The following ANGPT1 variants were observed in gnomAD, a reference collection of about 807,000 sequenced individuals.
The protein encoded by ANGPT1 is angiopoietin-1.
Under a neutral mutation model 62.2 loss-of-function variants are expected in ANGPT1, and 17 were observed. The observed-to-expected ratio is 0.27, with a 90% CI of 0.19 to 0.41. The LOEUF (loss-of-function observed/expected upper bound fraction) is 0.41. Among genes scored for constraint, ANGPT1 ranks in the 10% least tolerant of loss-of-function variants. The pLI, the probability that ANGPT1 is intolerant of heterozygous loss-of-function variation, is 1.00. For synonymous variants in ANGPT1, 199 were observed against 198.9 expected (o/e 1.00, Z 0.00); for missense variants, 478 against 594.9 (o/e 0.80, Z 2.04).
chr8:107,493,472 A>G (rs769481508), intron 1 of ANGPT1, among the ~76,000 whole-genome samples: 1 of 150,544 alleles, frequency 6.6e-6, no homozygotes, highest in African/African-American at 2.5e-5. Flanking sequence ...CTGGTTAAAT[A>G]TAATTTGAAT....
rs191775642 is a variant in ANGPT1, at chr8:107,482,184, C to T, written c.297+15078G>A. Among the ~76,000 whole-genome samples, 23 of 152,040 alleles carry T rather than the reference C, an allele frequency of 1.5e-4. No homozygotes were observed. In the East Asian group the frequency reaches 3.7e-3, roughly 24 times the overall value. On this transcript the variant is annotated intron_variant, in intron 1 of 8. Transcript: ENST00000517746. ...TTCTTCCATGAATTTTTTGAAGTTC[C>T]GTCATATTACCCTCCAAATTTAGTA...
intron 1 of ANGPT1, among the ~76,000 whole-genome samples, chr8:107,385,131 T>C (rs1177305391): frequency 1.3e-5 from 2 of 149,316 alleles, no homozygotes; most frequent in Non-Finnish European, 3.0e-5. Context: ...TTTTGGAATG[T>C]CGTTTGTTTG....
At chr8:107,436,965 T>C (rs1811351059) in intron 1 of ANGPT1, among the ~76,000 whole-genome samples, 2 of 152,210 alleles carry the variant, frequency 1.3e-5, no homozygotes, top group South Asian at 2.1e-4. Flanking sequence ...ATAACATTTA[T>C]TGAACACAAA....
At chr8:107,281,579 C>A (rs1586184203) in intron 7 of ANGPT1, among the ~76,000 whole-genome samples, 1 of 152,062 alleles carries the variant, frequency 6.6e-6, no homozygotes, top group African/African-American at 2.4e-5. Flanking sequence ...GAGATCGAGT[C>A]CATCCTGGCT....
intron 1 of ANGPT1, among the ~76,000 whole-genome samples, chr8:107,431,474 T>C (rs892552834): frequency 1.3e-5 from 2 of 152,198 alleles, no homozygotes; most frequent in African/African-American, 4.8e-5. Context: ...TCTGGCTCTC[T>C]TAGACTGCCT....
chr8:107,280,288 C>T (rs150231275), intron 7 of ANGPT1, among the ~76,000 whole-genome samples: 177 of 152,092 alleles, frequency 1.2e-3, no homozygotes, highest in African/African-American at 4.0e-3. Context: ...ACAACCTCCA[C>T]CTCCGGGGTT....
At chr8:107,313,379 G>A (rs747450472) in intron 4 of ANGPT1, among the ~76,000 whole-genome samples, 3 of 141,436 alleles carry the variant, frequency 2.1e-5, no homozygotes, top group Non-Finnish European at 4.6e-5. Flanking sequence ...ATATCCTTTG[G>A]TTGATAATAA....
chr8:107,496,881 T>G (rs1813114412), intron 1 of ANGPT1, among the ~76,000 whole-genome samples: 1 of 152,262 alleles, frequency 6.6e-6, no homozygotes, highest in African/African-American at 2.4e-5. Flanking sequence ...AAAATCGATT[T>G]GATCTTATTA....
At chr8:107,415,743 G>T (rs545172524) in intron 1 of ANGPT1, among the ~76,000 whole-genome samples, 1 of 152,086 alleles carries the variant, frequency 6.6e-6, no homozygotes, top group Non-Finnish European at 1.5e-5. Context: ...TTGTCTGCTC[G>T]CATGTTATGT....
rs150841723 is a variant in ANGPT1, at chr8:107,497,317, T to C, written c.242A>G (p.Gln81Arg). 4.1e-5 allele frequency: 66 copies of C among 1,614,130 alleles called. No individual in the cohort carries two copies. The highest frequency in any genetic ancestry group is 5.1e-5 in the Non-Finnish European group (60 of 1,180,038). The part of the protein sequence containing the change: ...APHVEPDFSS[Q>R]KLQHLEHVME... ...CACATGTTCCAGATGTTGAAGTTTC[T>C]GGGAAGAGAAATCCGGTTCCACGTG... Residue 81 changes from glutamine to arginine, a missense_variant, in exon 1 of 9, where the codon CAG becomes CGG. Around this residue, in one of 4 missense-constraint regions of ANGPT1, gnomAD observed 343 missense variants for 355.4 expected, o/e 0.97. Transcript: ENST00000517746.
chr8:107,482,809 C>A (rs950071243), intron 1 of ANGPT1, among the ~76,000 whole-genome samples: 9 of 152,200 alleles, frequency 5.9e-5, no homozygotes, highest in Middle Eastern at 3.4e-3. Flanking sequence ...ATTTTTTAAA[C>A]TCGATCTTCC....
intron 5 of ANGPT1, among the ~76,000 whole-genome samples, chr8:107,302,991 G>C (rs992919102): frequency 2.0e-5 from 3 of 151,786 alleles, no homozygotes; most frequent in Non-Finnish European, 4.4e-5. Flanking sequence ...ATGAGCAAGG[G>C]GACATCCTAG....
At chr8:107,393,560 A>G (rs1293173764) in intron 1 of ANGPT1, among the ~76,000 whole-genome samples, 2 of 152,180 alleles carry the variant, frequency 1.3e-5, no homozygotes, top group East Asian at 3.9e-4. Flanking sequence ...CTGTAATCCT[A>G]GCACTTTGGG....
At chr8:107,445,036 C>G (rs191602993) in intron 1 of ANGPT1, among the ~76,000 whole-genome samples, 2 of 152,176 alleles carry the variant, frequency 1.3e-5, no homozygotes, top group African/African-American at 4.8e-5. Flanking sequence ...GCACTTCACC[C>G]TGAAGGGGGC....
intron 1 of ANGPT1, among the ~76,000 whole-genome samples, chr8:107,417,823 T>C (rs1563613681): frequency 6.6e-6 from 1 of 152,212 alleles, no homozygotes; most frequent in Admixed American, 6.5e-5. Context: ...CTGAGATACT[T>C]AAACGTAAGG....
rs191173849 is a variant in ANGPT1 at position 107,315,818 on chromosome 8, C to T, written c.808+6078G>A. ...GGGGTAAGTGGAAAGGAAAAATAGC[C>T]GTTTGCATCTGGTTTCCTGATGGAT... On this transcript the variant is annotated intron_variant, in intron 4 of 8. Transcript: ENST00000517746. Among the ~76,000 whole-genome samples, 181 of 152,154 alleles carry T rather than the reference C, an allele frequency of 1.2e-3. 1 individual carries two copies. In the Middle Eastern group the frequency reaches 0.061, roughly 51 times the overall value.
chr8:107,255,917 C>T (rs1292903976), intron 8 of ANGPT1, among the ~76,000 whole-genome samples: 2 of 152,076 alleles, frequency 1.3e-5, no homozygotes, highest in African/African-American at 2.4e-5. Context: ...TCATCAGTGC[C>T]AACATATTTT....
chr8:107,255,630 A>C (rs551469935), intron 8 of ANGPT1, among the ~76,000 whole-genome samples: 1 of 152,316 alleles, frequency 6.6e-6, no homozygotes, highest in South Asian at 2.1e-4. Flanking sequence ...AACAGCCTTA[A>C]GTGATGTGGC....
At chr8:107,442,043 C>T (rs1485478716) in intron 1 of ANGPT1, among the ~76,000 whole-genome samples, 2 of 151,982 alleles carry the variant, frequency 1.3e-5, no homozygotes, top group African/African-American at 4.8e-5. Flanking sequence ...AAGATCACGC[C>T]ATCGCACTCC....
Sources: allele counts gnomAD v4.1 joint callset (sites outside exome capture counted in the v4.1 genomes callset), GRCh38; gene constraint gnomAD v4.1.1; regional missense constraint gnomAD v4.1.1; transcripts MANE v1.5; gene names NCBI Gene and HGNC (gene_info 2026-07-23, HGNC 2026-07-21).